Variants in TDP1 observed in about 807,000 individuals in gnomAD.
The protein encoded by TDP1 is tyrosyl-DNA phosphodiesterase 1.
In TDP1, 64 loss-of-function variants were observed where a neutral mutation model predicts 81.5. The observed-to-expected ratio is 0.79, with a 90% confidence interval of 0.64 to 0.97. The LOEUF is 0.97. Among genes scored for constraint, TDP1 ranks in the 50% least tolerant of loss-of-function variants. The pLI is 0.00. For synonymous variants in TDP1, 256 were observed against 264.3 expected, an observed-to-expected ratio of 0.97 and a Z score of 0.30; for missense variants, 723 against 743.8, an observed-to-expected ratio of 0.97 and a Z score of 0.33.
At chr14:89,958,970 C>T (rs1892006909) in intron 2 of TDP1, among the ~76,000 whole-genome samples, 1 of 152,170 alleles carries the variant, frequency 6.6e-6, no homozygotes, top group Admixed American at 6.5e-5. Context: ...ATTGTTGGTG[C>T]CTGCAGAAGA....
At chr14:90,042,797 A>G (rs1051840641) in intron 16 of TDP1, 3 of 839,452 alleles carry the variant, frequency 3.6e-6, no homozygotes, top group Non-Finnish European at 4.3e-6. Context: ...CCCTCCCACG[A>G]TATGTGGGAA....
intron 14 of TDP1, among the ~76,000 whole-genome samples, chr14:90,009,346 G>C (rs1884424433): frequency 6.6e-6 from 1 of 152,230 alleles, no homozygotes; most frequent in African/African-American, 2.4e-5. Flanking sequence ...GGAGTGACCA[G>C]AGAGGTTGAA....
chr14:89,983,020 C>T (rs142452396), intron 8 of TDP1: 1 of 428,794 alleles, frequency 2.3e-6, no homozygotes, highest in African/African-American at 2.1e-5. Flanking sequence ...TTATTTGGCT[C>T]ATTATAATAA....
rs1350995435 is a variant in TDP1 at position 89,966,170 on chromosome 14, A to G, written c.583A>G (p.Thr195Ala). The part of the protein sequence containing the change: ...IKDILSPLFG[T>A]LVSSAQFNYC... ...AGATATTTTATCTCCTTTATTTGGG[A>G]CGCTTGTTTCTTCAGCTCAGGTGAG... The change falls in exon 4 of 17, where the codon ACG (threonine) becomes GCG (alanine). Residue 195 changes from threonine (T) to alanine (A), a missense_variant. Thr to Ala is a moderately conservative substitution (Grantham distance 58). Transcript: ENST00000335725. The G allele has an allele frequency of 1.9e-6, 3 of 1,607,114 alleles. No homozygotes were observed. Among genetic ancestry groups the G allele is most frequent in the Non-Finnish European group, 2.6e-6 (3 of 1,173,998 alleles).
At chr14:90,034,077 A>G (rs1476386617) in intron 16 of TDP1, among the ~76,000 whole-genome samples, 1 of 152,162 alleles carries the variant, frequency 6.6e-6, no homozygotes, top group Non-Finnish European at 1.5e-5. Context: ...TAAGGAAAAA[A>G]AAAAGTTCTT....
At chr14:90,004,972 CAAG>C (rs1897532781) in intron 14 of TDP1, among the ~76,000 whole-genome samples, 1 of 152,140 alleles carries the variant, frequency 6.6e-6, no homozygotes, top group Non-Finnish European at 1.5e-5. Context: ...TCCAAAAAGA[CAAG>C]AATCATTCCC....
chr14:89,970,870 G>A, intron 5 of TDP1: 3 of 559,638 alleles, frequency 5.4e-6, no homozygotes, highest in Non-Finnish European at 6.8e-6. Context: ...ACAGAGTCTT[G>A]CTCTGGCACC....
intron 16 of TDP1, among the ~76,000 whole-genome samples, chr14:90,035,215 C>T (rs191555100): frequency 1.0e-3 from 152 of 152,312 alleles, no homozygotes; most frequent in African/African-American, 3.5e-3. Context: ...AAAGTTAATC[C>T]TATCTCATGC....
intron 7 of TDP1, among the ~76,000 whole-genome samples, chr14:89,979,340 C>A (rs1250290955): frequency 6.7e-6 from 1 of 149,006 alleles, no homozygotes. Flanking sequence ...GACAGAGTTT[C>A]ACTCTGTCAC....
At chr14:89,968,882 C>G (rs1893259786) in intron 5 of TDP1, among the ~76,000 whole-genome samples, 1 of 152,172 alleles carries the variant, frequency 6.6e-6, no homozygotes. Context: ...GCCTCAGTAC[C>G]TCAGAATGTG....
At chr14:90,019,441 A>C (rs367867810) in intron 15 of TDP1, 23 bp downstream of exon 15, 3 of 1,216,540 alleles carry the variant, frequency 2.5e-6, no homozygotes, top group Non-Finnish European at 2.4e-6. Flanking sequence ...TTCCAACTGC[A>C]CAGTGGGTCA....
intron 10 of TDP1, 59 bp downstream of exon 10, chr14:89,985,269 T>A (rs2140099172): frequency 1.0e-6 from 1 of 954,648 alleles, no homozygotes; most frequent in African/African-American, 1.7e-5. Context: ...TTCTCTCTTT[T>A]AAAATAATTA....
At chr14:90,028,795 G>A (rs557520892) in intron 15 of TDP1, among the ~76,000 whole-genome samples, 2 of 152,224 alleles carry the variant, frequency 1.3e-5, no homozygotes, top group East Asian at 3.9e-4. Context: ...TCATATCTGA[G>A]GTCGAATATC....
intron 5 of TDP1, among the ~76,000 whole-genome samples, chr14:89,970,579 C>T (rs1366721192): frequency 1.3e-5 from 2 of 151,878 alleles, no homozygotes; most frequent in Admixed American, 6.6e-5. Context: ...ACTTATGTGC[C>T]GTTTTGGGCC....
At position 89,985,152 on chromosome 14, in the gene TDP1, C is replaced by G; in HGVS notation, c.1073C>G (p.Thr358Ser). ...SETNVYLIGS[T>S]PGRFQGSQKD... The stretch of plus-strand genomic sequence containing the variant: ...TTTAGTGTTTATCTTATTGGTTCAA[C>G]CCCAGGACGCTTTCAAGGAAGTCAA... The change falls in exon 10 of 17, where the codon ACC becomes AGC. Residue 358 changes from threonine (T) to serine (S), a missense_variant. By Grantham distance (58) the Thr-to-Ser change is moderately conservative. Transcript: ENST00000335725. The G allele has an allele frequency of 2.5e-6, 4 of 1,611,328 alleles. No homozygotes were observed. Among genetic ancestry groups the G allele is most frequent in the Non-Finnish European group, 3.4e-6 (4 of 1,178,532 alleles).
intron 15 of TDP1, among the ~76,000 whole-genome samples, chr14:90,031,000 G>A (rs1887214891): frequency 1.3e-5 from 2 of 151,430 alleles, no homozygotes; most frequent in South Asian, 2.1e-4. Context: ...CTTGAACTCC[G>A]GACCTCAAGT....
intron 14 of TDP1, among the ~76,000 whole-genome samples, chr14:90,016,732 C>T (rs1885359081): frequency 6.6e-6 from 1 of 152,306 alleles, no homozygotes; most frequent in East Asian, 1.9e-4. Context: ...AATACACACA[C>T]ACACACATAT....
intron 8 of TDP1, among the ~76,000 whole-genome samples, chr14:89,983,522 G>A (rs1353363344): frequency 1.3e-5 from 2 of 152,204 alleles, no homozygotes; most frequent in Non-Finnish European, 2.9e-5. Context: ...AAATTGGGCA[G>A]TTTCTCTTTC....
chr14:89,956,184 G>C (rs1891576227), intron 1 of TDP1: 1 of 152,318 alleles, frequency 6.6e-6, no homozygotes, highest in Non-Finnish European at 1.5e-5. Flanking sequence ...AGCGCCTCAG[G>C]GGGCGCGCAC....
Sources: allele counts gnomAD v4.1 joint callset (sites outside exome capture counted in the v4.1 genomes callset), GRCh38; gene constraint gnomAD v4.1.1; transcripts MANE v1.5; gene names NCBI Gene and HGNC (gene_info 2026-07-23, HGNC 2026-07-21).